CATSPERE: variants seen among roughly 807,000 people sequenced by gnomAD.
CATSPERE encodes catsper channel auxiliary subunit epsilon, also known as cation channel sperm-associated auxiliary subunit epsilon.
Under a neutral mutation model 114.1 loss-of-function variants are expected in CATSPERE, and 93 were observed. The observed-to-expected ratio is 0.81, with a 90% CI of 0.69 to 0.97. The LOEUF is 0.97. Among genes scored for constraint, CATSPERE ranks in the 50% least tolerant of loss-of-function variants. CATSPERE has a pLI of 0.00. For missense variants in CATSPERE, 1,058 were observed against 1,131.6 expected (o/e 0.93, Z 0.93); for synonymous variants, 341 against 384.1 (o/e 0.89, Z 1.31).
intron 11 of CATSPERE, among the ~76,000 whole-genome samples, chr1:244,574,172 G>GA (rs1303961141): frequency 2.0e-5 from 3 of 151,956 alleles, no homozygotes; most frequent in Non-Finnish European, 4.4e-5. Context: ...GGGAACAAAG[G>GA]AAAAAAGGAG....
Position 244,607,594 on chromosome 1 carries a change from T to A in CATSPERE, c.2403+1800T>A, listed in dbSNP as rs187742093. Among the ~76,000 whole-genome samples the A allele has an allele frequency of 6.6e-6, 1 of 152,324 alleles. No homozygotes were observed. Among genetic ancestry groups the A allele is most frequent in the East Asian group, 1.9e-4 (1 of 5,186 alleles). On this transcript the variant is annotated intron_variant, in intron 18 of 21. Transcript: ENST00000366534. The surrounding 1 kb of genome is among the most constrained non-coding windows in gnomAD (Gnocchi z 4.4). ...ATGAGCAGAAGTCATAGGTGTCACT[T>A]CCAGGTGAAGTGCTTAAGAAGGAAT...
At chr1:244,586,541 G>A (rs1342897999) in intron 13 of CATSPERE, among the ~76,000 whole-genome samples, 1 of 152,152 alleles carries the variant, frequency 6.6e-6, no homozygotes, top group African/African-American at 2.4e-5. Context: ...TTGAAGTCAA[G>A]TGGTCCAGGA....
chr1:244,640,117 T>C lies in CATSPERE; in HGVS notation c.*36T>C. On this transcript the variant is annotated 3_prime_UTR_variant, in exon 22 of 22. Coordinates refer to ENST00000366534, the MANE Select transcript of CATSPERE (RefSeq NM_001130957.2). ...AGTTTGTTTATTACAGATATATGCA[T>C]ATAGAGAAACAGTGTATTACATAGT... 3.4e-6 allele frequency: 5 copies of C among 1,467,350 alleles called. No homozygotes were observed. Among genetic ancestry groups the C allele is most frequent in the Non-Finnish European group, 4.7e-6 (5 of 1,075,222 alleles). The allele number at this position is 1,467,350 out of a possible 1,614,324, so 90.9% of individuals were successfully genotyped here.
chr1:244,514,828 C>CAAAA (rs371207477), intron 7 of CATSPERE, among the ~76,000 whole-genome samples: 3 of 42,374 alleles, frequency 7.1e-5, no homozygotes, highest in South Asian at 7.8e-4. Context: ...GACTCCATCT[C>CAAAA]AAAAAAAAAA....
At chr1:244,533,187 G>C (rs1471725388) in intron 8 of CATSPERE, among the ~76,000 whole-genome samples, 1 of 151,610 alleles carries the variant, frequency 6.6e-6, no homozygotes, top group Non-Finnish European at 1.5e-5. Context: ...CTCCTATTTT[G>C]TGCTTTCCAT....
In CATSPERE at chr1:244,573,105, T is replaced by A. The variant is rs1664708718; in HGVS notation, c.1950+333T>A. Among the ~76,000 whole-genome samples, 1 of 152,006 alleles carries A rather than the reference T, an allele frequency of 6.6e-6. No individual in the cohort carries two copies. Among genetic ancestry groups the A allele is most frequent in the South Asian group, 2.1e-4 (1 of 4,826 alleles). On this transcript the variant is annotated intron_variant, in intron 11 of 21. Coordinates refer to ENST00000366534, the MANE Select transcript of CATSPERE (RefSeq NM_001130957.2). This position sits in a 1 kb window ranked among gnomAD's most constrained non-coding sequence, Gnocchi z 4.0. ...GTATAACAAACCACTCAAAACCTAA[T>A]TGCTTAGAACAACAACCAATTCTGG...
intron 7 of CATSPERE, among the ~76,000 whole-genome samples, chr1:244,503,685 T>C (rs374701000): frequency 3.3e-5 from 5 of 152,308 alleles, no homozygotes; most frequent in Admixed American, 6.5e-5. Context: ...CTCAGCCTCC[T>C]GGGCTCAAGT....
intron 19 of CATSPERE, among the ~76,000 whole-genome samples, chr1:244,612,403 T>TA (rs1335401761): frequency 3.4e-5 from 4 of 117,584 alleles, no homozygotes; most frequent in Non-Finnish European, 7.2e-5. Flanking sequence ...ACCTACATTT[T>TA]AAAAAAATCA....
chr1:244,614,153 G>A (rs1671083933), intron 19 of CATSPERE, among the ~76,000 whole-genome samples: 1 of 152,110 alleles, frequency 6.6e-6, no homozygotes, highest in South Asian at 2.1e-4. Flanking sequence ...TCCATTTCAG[G>A]TGTTCTGTTA....
intron 5 of CATSPERE, among the ~76,000 whole-genome samples, chr1:244,488,062 T>C (rs2148206289): frequency 6.6e-6 from 1 of 152,240 alleles, no homozygotes; most frequent in Admixed American, 6.5e-5. Context: ...CTTTCTTCTT[T>C]CTCTGTCTCT....
At chr1:244,457,046 C>T (rs553078241), upstream of CATSPERE, among the ~76,000 whole-genome samples, 71 of 152,128 alleles carry the variant, frequency 4.7e-4, no homozygotes, top group African/African-American at 1.7e-3. Context: ...AAAACAGTAA[C>T]GGAACAAAAC....
rs867987180 is a variant in CATSPERE, at chr1:244,522,890, G to C, written c.536+4192G>C. Among the ~76,000 whole-genome samples, 26 of 152,124 alleles carry C rather than the reference G, an allele frequency of 1.7e-4. No individual in the cohort carries two copies. The Middle Eastern group carries it at 0.01, about 60-fold the overall frequency. On this transcript the variant is annotated intron_variant, in intron 8 of 21. Coordinates refer to ENST00000366534, the MANE Select transcript of CATSPERE (RefSeq NM_001130957.2). ...TCCAGGACCAGATGGATTCACAGCC[G>C]AATTCTACCTGAGGTACAAGGAGGA... is the stretch of plus-strand genomic sequence containing the variant.
At chr1:244,599,026 G>A (rs961502322) in intron 17 of CATSPERE, among the ~76,000 whole-genome samples, 1 of 152,044 alleles carries the variant, frequency 6.6e-6, no homozygotes, top group Non-Finnish European at 1.5e-5. Flanking sequence ...GAACTACATC[G>A]TCCGGACATG....
Position 244,502,863 on chromosome 1 carries a change from A to G in CATSPERE, c.429+3784A>G, listed in dbSNP as rs139798403. Among the ~76,000 whole-genome samples, 4 of 152,246 alleles carry G rather than the reference A, an allele frequency of 2.6e-5. No individual in the cohort carries two copies. The East Asian group carries it at 7.7e-4, about 29-fold the overall frequency. The stretch of plus-strand genomic sequence containing the variant: ...AAAATTGTCCAACAGAAGAACAGAA[A>G]ATGCCTCAGAGTTGCCTCACAGAGG... On this transcript the variant is annotated intron_variant, in intron 7 of 21. Transcript: ENST00000366534.
intron 6 of CATSPERE, among the ~76,000 whole-genome samples, chr1:244,493,846 A>G (rs1186699280): frequency 6.6e-6 from 1 of 152,254 alleles, no homozygotes; most frequent in Non-Finnish European, 1.5e-5. Flanking sequence ...AAACACATGA[A>G]AAAATGCTCA....
At chr1:244,557,570 T>TAC (rs1661831540) in intron 9 of CATSPERE, among the ~76,000 whole-genome samples, 2 of 82,454 alleles carry the variant, frequency 2.4e-5, no homozygotes, top group African/African-American at 1.1e-4. Flanking sequence ...TATATATATA[T>TAC]ATATATATAT....
chr1:244,488,635 C>T (rs76601649), intron 5 of CATSPERE, among the ~76,000 whole-genome samples: 1,799 of 152,302 alleles, frequency 0.012, 27 homozygotes, highest in Middle Eastern at 0.034. Context: ...CTTTTATTAT[C>T]GACAAGTATT....
chr1:244,460,917 A>G (rs150323090), upstream of CATSPERE, among the ~76,000 whole-genome samples: 220 of 152,336 alleles, frequency 1.4e-3, no homozygotes, highest in African/African-American at 4.7e-3. Context: ...GACTCTCTCA[A>G]AAACAAACAA....
rs1670150834 is a variant in CATSPERE at position 244,607,446 on chromosome 1, A to G, written c.2403+1652A>G. 6.6e-6 allele frequency among the ~76,000 whole-genome samples: 1 copy of G among 152,182 alleles called. No individual in the cohort carries two copies. The highest frequency in any genetic ancestry group is 2.4e-5 in the African/African-American group (1 of 41,438). On this transcript the variant is annotated intron_variant, in intron 18 of 21. Coordinates refer to ENST00000366534, the MANE Select transcript of CATSPERE (RefSeq NM_001130957.2). The surrounding 1 kb of genome is among the most constrained non-coding windows in gnomAD (Gnocchi z 4.4). Reference sequence around the variant, plus strand: ...CCTGCCCTGAAAACAATCACCATGGATTCCTGAATTCTGCCATCCATCCTA... The same window carrying G: ...CCTGCCCTGAAAACAATCACCATGGGTTCCTGAATTCTGCCATCCATCCTA...
Sources: allele counts gnomAD v4.1 joint callset (sites outside exome capture counted in the v4.1 genomes callset), GRCh38; gene constraint gnomAD v4.1.1; non-coding constraint Gnocchi (gnomAD v3.1); transcripts MANE v1.5; gene names NCBI Gene and HGNC (gene_info 2026-07-23, HGNC 2026-07-21).